Variants in SCGN observed in about 807,000 individuals in gnomAD.
SCGN encodes the protein secretagogin.
In SCGN, 30 loss-of-function variants were observed where a neutral mutation model predicts 39.7. The observed-to-expected ratio is 0.76, with a 90% CI of 0.57 to 1.03. The LOEUF (loss-of-function observed/expected upper bound fraction) is 1.03, where lower values mean the gene tolerates loss of function less well. Ranked by LOEUF, SCGN falls within the 50% of genes least tolerant of loss-of-function variation. The pLI, the probability that SCGN is intolerant of heterozygous loss-of-function variation, is 0.00. For synonymous variants in SCGN, 106 were observed against 114.1 expected (o/e 0.93, Z 0.45); for missense variants, 353 against 349.4 (o/e 1.01, Z -0.08).
At position 25,681,936 on chromosome 6, in the gene SCGN, C is replaced by T. The variant is rs776000969; in HGVS notation, c.472-15C>T. Reference sequence around the variant, plus strand: ...TCCTGTTACAAGTACAACCATTTTCCCTTCTGCATTTCAGATGAAGATTTT... The same window carrying T: ...TCCTGTTACAAGTACAACCATTTTCTCTTCTGCATTTCAGATGAAGATTTT... On this transcript the variant is annotated splice_polypyrimidine_tract_variant and intron_variant, in intron 6 of 10. Transcript: ENST00000377961. The T allele has an allele frequency of 1.1e-5, 18 of 1,608,368 alleles. No individual in the cohort carries two copies. In the Admixed American group the frequency reaches 1.2e-4, roughly 10 times the overall value.
Position 25,691,041 on chromosome 6 carries a change from T to A in SCGN, c.634-15T>A, listed in dbSNP as rs1242757130. On this transcript the variant is annotated splice_polypyrimidine_tract_variant and intron_variant, in intron 9 of 10. Transcript: ENST00000377961. Reference sequence around the variant, plus strand: ...AGAAACTGATATTTGGGCAATTGGATCTTTTCTTTTTCAGAGTAAAACAGG... The same window carrying A: ...AGAAACTGATATTTGGGCAATTGGAACTTTTCTTTTTCAGAGTAAAACAGG... 2 of 1,609,370 alleles carry A rather than the reference T, an allele frequency of 1.2e-6. No individual in the cohort carries two copies. The highest frequency in any genetic ancestry group is 1.7e-6 in the Non-Finnish European group (2 of 1,176,900).
chr6:25,672,364 A>C (rs1474062566), intron 6 of SCGN, among the ~76,000 whole-genome samples: 1 of 152,222 alleles, frequency 6.6e-6, no homozygotes, highest in East Asian at 1.9e-4. Context: ...ATTGCATAAC[A>C]GAGGGTGATG....
intron 2 of SCGN, among the ~76,000 whole-genome samples, chr6:25,660,044 A>C (rs1304523823): frequency 6.6e-6 from 1 of 152,244 alleles, no homozygotes; most frequent in Non-Finnish European, 1.5e-5. Flanking sequence ...CAAGGTCCCC[A>C]AAGAGGAAGA....
intron 10 of SCGN, among the ~76,000 whole-genome samples, chr6:25,697,284 A>T (rs776634116): frequency 5.9e-5 from 9 of 152,264 alleles, no homozygotes; most frequent in Non-Finnish European, 1.0e-4. Context: ...ATGTTTTCAA[A>T]CACCAGTGTG....
chr6:25,659,597 G>A (rs537678580), intron 2 of SCGN, among the ~76,000 whole-genome samples: 2 of 152,204 alleles, frequency 1.3e-5, no homozygotes, highest in East Asian at 3.9e-4. Flanking sequence ...TAATCTGAAG[G>A]AATCATACGT....
At chr6:25,699,799 G>A (rs927050979) in intron 10 of SCGN, among the ~76,000 whole-genome samples, 12 of 152,042 alleles carry the variant, frequency 7.9e-5, no homozygotes, top group African/African-American at 2.7e-4. Flanking sequence ...TTGGTCAATA[G>A]AGCTGAGTCC....
At chr6:25,677,411 A>T (rs1038217650) in intron 6 of SCGN, among the ~76,000 whole-genome samples, 1 of 152,206 alleles carries the variant, frequency 6.6e-6, no homozygotes, top group African/African-American at 2.4e-5. Context: ...GTTATTAGAC[A>T]CAGAGTAATT....
chr6:25,659,206 T>G (rs2151377190), intron 2 of SCGN, among the ~76,000 whole-genome samples: 1 of 152,332 alleles, frequency 6.6e-6, no homozygotes, highest in East Asian at 1.9e-4. Context: ...CTTCAGGGTC[T>G]TATAATATCT....
At chr6:25,692,390 A>T (rs1269473832) in intron 10 of SCGN, among the ~76,000 whole-genome samples, 1 of 152,194 alleles carries the variant, frequency 6.6e-6, no homozygotes, top group Non-Finnish European at 1.5e-5. Flanking sequence ...TATGCATTGG[A>T]GCCAGGGGCA....
At chr6:25,676,872 T>C (rs1759569864) in intron 6 of SCGN, among the ~76,000 whole-genome samples, 1 of 152,248 alleles carries the variant, frequency 6.6e-6, no homozygotes, top group Non-Finnish European at 1.5e-5. Flanking sequence ...GTAGGCACTC[T>C]ATACATATTT....
intron 6 of SCGN, among the ~76,000 whole-genome samples, chr6:25,671,689 C>A (rs1221577869): frequency 6.6e-6 from 1 of 152,208 alleles, no homozygotes; most frequent in Non-Finnish European, 1.5e-5. Context: ...TTCCCAGCTA[C>A]AGGAGGGTCT....
chr6:25,654,144 G>A (rs1450854223), intron 2 of SCGN, among the ~76,000 whole-genome samples: 1 of 152,190 alleles, frequency 6.6e-6, no homozygotes, highest in Non-Finnish European at 1.5e-5. Flanking sequence ...CTCCAGTAGG[G>A]CATTCATAGT....
chr6:25,667,432 G>T (rs886644578), intron 4 of SCGN, among the ~76,000 whole-genome samples: 6 of 152,242 alleles, frequency 3.9e-5, no homozygotes, highest in Non-Finnish European at 8.8e-5. Flanking sequence ...CATATTTGAA[G>T]AAATTCTAAG....
chr6:25,691,179 T>C (rs771436697), intron 10 of SCGN, 55 bp downstream of exon 10: 11 of 1,317,612 alleles, frequency 8.3e-6, no homozygotes, highest in Admixed American at 1.7e-5. Context: ...ATTTATTCCA[T>C]TGTTTATTTG....
chr6:25,676,605 C>T (rs1004792372), intron 6 of SCGN, among the ~76,000 whole-genome samples: 21 of 152,194 alleles, frequency 1.4e-4, no homozygotes, highest in African/African-American at 5.1e-4. Context: ...GAAAAAGTCA[C>T]CTTTTACTTG....
At chr6:25,688,817 A>AT (rs1554117625) in intron 7 of SCGN, among the ~76,000 whole-genome samples, 5 of 150,156 alleles carry the variant, frequency 3.3e-5, no homozygotes, top group East Asian at 2.0e-4. Flanking sequence ...AAAAAAAAAG[A>AT]TTTTTTTCAG....
intron 7 of SCGN, among the ~76,000 whole-genome samples, chr6:25,687,347 T>C (rs1023798555): frequency 1.3e-5 from 2 of 152,160 alleles, no homozygotes; most frequent in Non-Finnish European, 1.5e-5. Context: ...TTTACTTAGC[T>C]CTTTAATTTC....
intron 6 of SCGN, among the ~76,000 whole-genome samples, chr6:25,681,709 A>C (rs547603589): frequency 6.6e-6 from 1 of 152,310 alleles, no homozygotes; most frequent in East Asian, 1.9e-4. Context: ...ACCCTGTGAA[A>C]AATAAACCTG....
At chr6:25,659,151 G>T (rs532888710) in intron 2 of SCGN, among the ~76,000 whole-genome samples, 1 of 152,280 alleles carries the variant, frequency 6.6e-6, no homozygotes, top group East Asian at 1.9e-4. Context: ...AATTGTTTTT[G>T]CTGACCAAAG....
Sources: gnomAD v4.1 joint callset for allele counts (sites outside exome capture counted in the v4.1 genomes callset) on GRCh38, gnomAD v4.1.1 for gene constraint, MANE v1.5 for transcripts, NCBI Gene and HGNC (gene_info 2026-07-23, HGNC 2026-07-21) for gene names.